PCDHA6: variants seen among roughly 807,000 people sequenced by gnomAD.
PCDHA6 encodes the protein protocadherin alpha-6.
PCDHA6 carries 55 observed loss-of-function variants against 60.3 expected under a neutral mutation model. The observed-to-expected ratio is 0.91, with a 90% CI of 0.73 to 1.14. The LOEUF is 1.14. PCDHA6 is among the 50% of genes most tolerant of loss of function. The pLI, the probability that PCDHA6 is intolerant of heterozygous loss-of-function variation, is 0.00. For missense variants in PCDHA6, 1,327 were observed against 1,256.5 expected, an observed-to-expected ratio of 1.06 and a Z score of -0.85; for synonymous variants, 652 against 557.9, an observed-to-expected ratio of 1.17 and a Z score of -2.38.
chr5:140,973,974 T>C (rs2096609755), intron 1 of PCDHA6, among the ~76,000 whole-genome samples: 1 of 152,224 alleles, frequency 6.6e-6, no homozygotes. Context: ...TAAATGTGGC[T>C]TTTACAGAAC....
chr5:140,836,466 G>A (rs1554135989), intron 1 of PCDHA6: 1 of 1,613,862 alleles, frequency 6.2e-7, no homozygotes, highest in Non-Finnish European at 8.5e-7. Flanking sequence ...CGAGCTGGTG[G>A]ATGTCAACGT....
At chr5:140,966,736 T>A in intron 1 of PCDHA6, 1 of 1,418,140 alleles carries the variant, frequency 7.1e-7, no homozygotes, top group Non-Finnish European at 9.2e-7. Context: ...CCTCCGGCCC[T>A]GCCCGGCTGC....
chr5:140,972,661 T>C, intron 1 of PCDHA6, among the ~76,000 whole-genome samples: 1 of 48,668 alleles, frequency 2.1e-5, no homozygotes, highest in South Asian at 6.9e-4. Flanking sequence ...AGAAACCAAA[T>C]TTTTTTTTTT....
At chr5:140,882,854 C>G in intron 1 of PCDHA6, 2 of 1,614,196 alleles carry the variant, frequency 1.2e-6, no homozygotes, top group Non-Finnish European at 1.7e-6. Flanking sequence ...ATCACTTGTA[C>G]TGAGGAAAAC....
intron 3 of PCDHA6, among the ~76,000 whole-genome samples, chr5:140,992,037 G>A (rs2153898781): frequency 6.6e-6 from 1 of 152,006 alleles, no homozygotes; most frequent in East Asian, 1.9e-4. Context: ...GTGTGTGTGT[G>A]TGTGTGTGTG....
intron 1 of PCDHA6, chr5:140,842,871 T>A (rs1554139485): frequency 4.4e-6 from 7 of 1,593,666 alleles, no homozygotes; most frequent in Middle Eastern, 2.1e-4. Context: ...AGCGGCAAGG[T>A]GTACGCGCTG....
intron 2 of PCDHA6, among the ~76,000 whole-genome samples, chr5:140,980,093 G>A (rs1223807762): frequency 2.0e-5 from 3 of 152,166 alleles, no homozygotes; most frequent in South Asian, 2.1e-4. Context: ...AGTTGGCTTG[G>A]TAAGATGTCA....
chr5:140,942,629 A>C (rs1401408646), intron 1 of PCDHA6, among the ~76,000 whole-genome samples: 1 of 152,076 alleles, frequency 6.6e-6, no homozygotes, highest in Non-Finnish European at 1.5e-5. Flanking sequence ...TAAAAAAAAA[A>C]ATGGCAAAAG....
Position 140,982,457 on chromosome 5 carries a change from G to A in PCDHA6, c.2454-18G>A, listed in dbSNP as rs782510565. 6.2e-7 allele frequency: 1 copy of A among 1,613,966 alleles called. No homozygotes were observed. Among genetic ancestry groups the A allele is most frequent in the African/African-American group, 1.3e-5 (1 of 74,916 alleles). ...AATTTATGATCTAACCGTTATCTGG[G>A]TCTGTGTGTTTATTCAGCTCTGTGC... On this transcript the variant is annotated intron_variant, in intron 2 of 3. Transcript: ENST00000529310.
chr5:140,998,965 G>C (rs1320225650), intron 3 of PCDHA6, among the ~76,000 whole-genome samples: 1 of 152,232 alleles, frequency 6.6e-6, no homozygotes, highest in Non-Finnish European at 1.5e-5. Context: ...TAATCAAATA[G>C]TATCCTAGAA....
At chr5:140,972,096 A>G (rs2096519185) in intron 1 of PCDHA6, among the ~76,000 whole-genome samples, 1 of 152,168 alleles carries the variant, frequency 6.6e-6, no homozygotes. Context: ...AATTTCTGGC[A>G]TAGAAGCAGG....
chr5:140,907,298 A>G (rs138771358), intron 1 of PCDHA6, among the ~76,000 whole-genome samples: 4 of 152,162 alleles, frequency 2.6e-5, no homozygotes, highest in Non-Finnish European at 4.4e-5. Flanking sequence ...CTGCTTCAGG[A>G]TGATGGGGAA....
In PCDHA6 at chr5:141,009,754, C is replaced by A. The variant is rs200585286; in HGVS notation, c.2670C>A (p.Ile890=). 18 of 1,614,022 alleles carry A rather than the reference C, an allele frequency of 1.1e-5. No individual in the cohort carries two copies. Among genetic ancestry groups the A allele is most frequent in the Non-Finnish European group, 1.5e-5 (18 of 1,180,034 alleles). ...GTGAGTTGCCCGACAAATTCATTAT[C>A]CCAGGATCTCCTGCAATCATCTCCA... The part of the protein sequence containing the change: ...GPGELPDKFI[I]PGSPAIISIR... The change falls in exon 4 of 4, where the codon ATC becomes ATA. Residue 890 remains isoleucine, a synonymous_variant. Coordinates refer to ENST00000529310, the MANE Select transcript of PCDHA6 (RefSeq NM_018909.4).
intron 1 of PCDHA6, among the ~76,000 whole-genome samples, chr5:140,885,108 T>C (rs986059469): frequency 6.6e-6 from 1 of 152,226 alleles, no homozygotes; most frequent in Non-Finnish European, 1.5e-5. Flanking sequence ...AAATGCTTTT[T>C]TTAAGTGCAC....
chr5:140,836,089 G>A, intron 1 of PCDHA6: 1 of 1,613,682 alleles, frequency 6.2e-7, no homozygotes, highest in Non-Finnish European at 8.5e-7. Flanking sequence ...CTGGCGCCTC[G>A]GGTGGGTGGC....
At chr5:140,964,959 T>C (rs1330728069) in intron 1 of PCDHA6, among the ~76,000 whole-genome samples, 2 of 152,168 alleles carry the variant, frequency 1.3e-5, no homozygotes, top group African/African-American at 4.8e-5. Context: ...GCTTGGTTGG[T>C]GGAACGAAGG....
intron 1 of PCDHA6, among the ~76,000 whole-genome samples, chr5:140,964,181 T>A (rs1563333888): frequency 6.6e-6 from 1 of 152,218 alleles, no homozygotes; most frequent in African/African-American, 2.4e-5. Context: ...ATCATTATAG[T>A]GCCAAATAGA....
chr5:140,829,494 A>G lies in PCDHA6; in HGVS notation c.1403A>G (p.Asn468Ser), dbSNP rs1366081374. 1.9e-6 allele frequency: 3 copies of G among 1,613,224 alleles called. No individual in the cohort carries two copies. Among genetic ancestry groups the G allele is most frequent in the Admixed American group, 3.3e-5 (2 of 60,002 alleles). The change falls in exon 1 of 4, where the codon AAC (asparagine) becomes AGC (serine). Residue 468 changes from asparagine to serine, a missense_variant. Asn to Ser is a conservative substitution (Grantham distance 46). Transcript: ENST00000529310. ...TACACAGTGTTCGTGAAGGAGAACAACCCGCCGGGCTGCCACATCTTCACG... is the reference window on the plus strand; with the variant it reads ...TACACAGTGTTCGTGAAGGAGAACAGCCCGCCGGGCTGCCACATCTTCACG... ...PEYTVFVKEN[N>S]PPGCHIFTVS...
intron 1 of PCDHA6, chr5:140,969,446 C>A (rs782526198): frequency 6.5e-7 from 1 of 1,541,082 alleles, no homozygotes; most frequent in African/African-American, 1.4e-5. Flanking sequence ...ATCTGGTAAA[C>A]TGAGTATATA....
Sources: gnomAD v4.1 joint callset for allele counts (sites outside exome capture counted in the v4.1 genomes callset) on GRCh38, gnomAD v4.1.1 for gene constraint, MANE v1.5 for transcripts, NCBI Gene and HGNC (gene_info 2026-07-23, HGNC 2026-07-21) for gene names.